Variants in GOLGA7B observed in about 807,000 individuals in gnomAD.
GOLGA7B encodes the protein golgin subfamily A member 7B.
In GOLGA7B, 17 loss-of-function variants were observed where a neutral mutation model predicts 21.5. The ratio of observed to expected loss-of-function variants is 0.79; its 90% CI spans 0.54 to 1.19. The LOEUF is 1.19. GOLGA7B is among the 50% of genes most tolerant of loss of function. GOLGA7B has a pLI of 0.00. For synonymous variants in GOLGA7B, 87 were observed against 84.0 expected, an observed-to-expected ratio of 1.04 and a Z score of -0.19; for missense variants, 169 against 224.4, an observed-to-expected ratio of 0.75 and a Z score of 1.58.
In GOLGA7B at chr10:97,850,241, G is replaced by C. The variant is rs1360752279; in HGVS notation, c.-63G>C. The C allele has an allele frequency of 3.0e-6, 4 of 1,312,768 alleles. No homozygotes were observed. Among genetic ancestry groups the C allele is most frequent in the South Asian group, 3.0e-5 (2 of 65,966 alleles). The allele number at this position is 1,312,768 out of a possible 1,614,324, so 81.3% of individuals were successfully genotyped here. ...CACCGCCGCCGCCCACCTGCTCCCGGGGTCAGCACCGCGGAGACCCCCCTC... is the reference window on the plus strand; with the variant it reads ...CACCGCCGCCGCCCACCTGCTCCCGCGGTCAGCACCGCGGAGACCCCCCTC... On this transcript the variant is annotated 5_prime_UTR_variant, in exon 1 of 5. Coordinates refer to ENST00000370602, the MANE Select transcript of GOLGA7B (RefSeq NM_001010917.3).
At position 97,869,127 on chromosome 10, in the gene GOLGA7B, CG is replaced by C. The variant is rs2050062164; in HGVS notation, c.*3428del. 1 of 152,242 alleles carries C rather than the reference CG, an allele frequency of 6.6e-6. No individual in the cohort carries two copies. Among genetic ancestry groups the C allele is most frequent in the Non-Finnish European group, 1.5e-5 (1 of 68,046 alleles). The allele number at this position is 152,242 out of a possible 1,614,324, so 9.4% of individuals were successfully genotyped here. On this transcript the variant is annotated 3_prime_UTR_variant, in exon 5 of 5. Transcript: ENST00000370602. ...CGCTTAACAGCTTGAGGGCCTCAGC[CG>C]TCCTGGGATTAGGATCAGGCAGATT...
At chr10:97,850,451 G>A (rs1303129476) in intron 1 of GOLGA7B, 136 bp downstream of exon 1, 16 of 659,650 alleles carry the variant, frequency 2.4e-5, no homozygotes, top group Non-Finnish European at 3.5e-5. Flanking sequence ...TCTGGAGGGA[G>A]GAGGTAGGGG....
At chr10:97,860,642 C>T (rs763797609) in intron 2 of GOLGA7B, among the ~76,000 whole-genome samples, 1 of 152,204 alleles carries the variant, frequency 6.6e-6, no homozygotes, top group Non-Finnish European at 1.5e-5. Flanking sequence ...TGTGAGCCAC[C>T]ATGCCCAGCC....
In GOLGA7B at chr10:97,871,327, C is replaced by T. The variant is rs1209730866; in HGVS notation, c.*5627C>T. 6.6e-6 allele frequency: 1 copy of T among 152,234 alleles called. No homozygotes were observed. The highest frequency in any genetic ancestry group is 1.5e-5 in the Non-Finnish European group (1 of 68,044). 9.4% of individuals were successfully genotyped at this position (152,234 alleles called of 1,614,324 possible). A position where few individuals can be genotyped will look rare whatever the true frequency, so the allele number is the denominator to read the frequency against. On this transcript the variant is annotated 3_prime_UTR_variant, in exon 5 of 5. Coordinates refer to ENST00000370602, the MANE Select transcript of GOLGA7B (RefSeq NM_001010917.3). Reference sequence around the variant, plus strand: ...GTCAGAGGGCTGTGCCAGCTGCCCCCTTTCCCACCCCCAGCAATTCACTTA... The same window carrying T: ...GTCAGAGGGCTGTGCCAGCTGCCCCTTTTCCCACCCCCAGCAATTCACTTA...
chr10:97,863,015 A>G (rs1238035133), intron 2 of GOLGA7B, among the ~76,000 whole-genome samples: 1 of 152,222 alleles, frequency 6.6e-6, no homozygotes, highest in African/African-American at 2.4e-5. Flanking sequence ...TGGAGGGCCT[A>G]GCGGGCATTG....
At chr10:97,864,341 G>C in intron 4 of GOLGA7B, 72 bp downstream of exon 4, 1 of 1,339,930 alleles carries the variant, frequency 7.5e-7, no homozygotes, top group Non-Finnish European at 1.1e-6. Context: ...GAGGCTGCCA[G>C]GAAACGAGGC....
chr10:97,857,109 G>A (rs2049939679), intron 1 of GOLGA7B, among the ~76,000 whole-genome samples: 1 of 151,898 alleles, frequency 6.6e-6, no homozygotes, highest in Non-Finnish European at 1.5e-5. Context: ...TTTTGTTTTT[G>A]TTCCATTTGC....
chr10:97,860,052 T>G (rs1217183547), intron 2 of GOLGA7B, among the ~76,000 whole-genome samples: 1 of 152,228 alleles, frequency 6.6e-6, no homozygotes, highest in Non-Finnish European at 1.5e-5. Context: ...CCAACTACAT[T>G]AGACTCTCTA....
At chr10:97,853,134 G>T (rs2049914113) in intron 1 of GOLGA7B, among the ~76,000 whole-genome samples, 1 of 152,192 alleles carries the variant, frequency 6.6e-6, no homozygotes, top group South Asian at 2.1e-4. Context: ...AGACAACTGG[G>T]TCAGGCTTGA....
rs1411662727 is a variant in GOLGA7B at position 97,866,747 on chromosome 10, T to C, written c.*1047T>C. On this transcript the variant is annotated 3_prime_UTR_variant, in exon 5 of 5. Transcript: ENST00000370602. ...ATTTATATGAGTGTGAGTGCATGCATGTGCATGAACATGTGTGCACAAGCA... is the reference window on the plus strand; with the variant it reads ...ATTTATATGAGTGTGAGTGCATGCACGTGCATGAACATGTGTGCACAAGCA... 1 of 152,208 alleles carries C rather than the reference T, an allele frequency of 6.6e-6. No individual in the cohort carries two copies. The highest frequency in any genetic ancestry group is 6.5e-5 in the Admixed American group (1 of 15,284). The allele number at this position is 152,208 out of a possible 1,614,324, so 9.4% of individuals were successfully genotyped here.
At chr10:97,864,308 T>G in intron 4 of GOLGA7B, 39 bp downstream of exon 4, 1 of 1,537,304 alleles carries the variant, frequency 6.5e-7, no homozygotes, top group Non-Finnish European at 9.0e-7. Flanking sequence ...GGCACAGGAC[T>G]GCTAACCAGT....
At position 97,849,953 on chromosome 10, in the gene GOLGA7B, C is replaced by T. The variant is rs867546445; in HGVS notation, c.-351C>T. Among the ~76,000 whole-genome samples, 8 of 151,450 alleles carry T rather than the reference C, an allele frequency of 5.3e-5. No individual in the cohort carries two copies. Among genetic ancestry groups the T allele is most frequent in the Admixed American group, 3.9e-4 (6 of 15,216 alleles). ...AGCGGCGGCTCCTGGCCCCTCCTCC[C>T]CCGGCCGCCCCCATCCCCGCCGCCG... On this transcript the variant is annotated 5_prime_UTR_variant, in exon 1 of 5. Transcript: ENST00000370602.
intron 2 of GOLGA7B, 77 bp downstream of exon 2, chr10:97,859,660 A>G: frequency 6.7e-7 from 1 of 1,502,478 alleles, no homozygotes. Context: ...TATTTTATCC[A>G]GGATCCTATG....
chr10:97,863,383 C>T (rs2049983958), intron 2 of GOLGA7B, among the ~76,000 whole-genome samples: 1 of 152,150 alleles, frequency 6.6e-6, no homozygotes, highest in Non-Finnish European at 1.5e-5. Context: ...TGTCCAAACA[C>T]ACAGGGTGGT....
chr10:97,854,059 C>T (rs1402833141), intron 1 of GOLGA7B, among the ~76,000 whole-genome samples: 1 of 152,320 alleles, frequency 6.6e-6, no homozygotes, highest in Non-Finnish European at 1.5e-5. Flanking sequence ...TCTTTTGAGA[C>T]ACCAGAAGTG....
chr10:97,855,151 C>T (rs2049927461), intron 1 of GOLGA7B, among the ~76,000 whole-genome samples: 3 of 152,204 alleles, frequency 2.0e-5, no homozygotes, highest in Admixed American at 6.5e-5. Flanking sequence ...CACACGCCTT[C>T]AGGACAGCAC....
chr10:97,859,423 C>A lies in GOLGA7B; in HGVS notation c.13-35C>A. 5 of 1,607,650 alleles carry A rather than the reference C, an allele frequency of 3.1e-6. No individual in the cohort carries two copies. The South Asian group carries it at 5.5e-5, about 18-fold the overall frequency. The stretch of plus-strand genomic sequence containing the variant: ...TTTGGGATATGCCGAGATGGATGGT[C>A]ACTCTCAGCACATGCCGCCCGCACG... On this transcript the variant is annotated intron_variant, in intron 1 of 4. Transcript: ENST00000370602.
intron 1 of GOLGA7B, among the ~76,000 whole-genome samples, chr10:97,854,852 C>T (rs1010981525): frequency 1.3e-5 from 2 of 152,154 alleles, no homozygotes; most frequent in African/African-American, 4.8e-5. Flanking sequence ...GTATTCCAGG[C>T]GGTGATTCAA....
chr10:97,865,563 G>A lies in GOLGA7B; in HGVS notation c.394-27G>A, dbSNP rs773387702. 26 of 1,609,586 alleles carry A rather than the reference G, an allele frequency of 1.6e-5. No individual in the cohort carries two copies. In the South Asian group the frequency reaches 2.3e-4, roughly 14 times the overall value. On this transcript the variant is annotated intron_variant, in intron 4 of 4. Coordinates refer to ENST00000370602, the MANE Select transcript of GOLGA7B (RefSeq NM_001010917.3). Reference sequence around the variant, plus strand: ...CCACCCCTGCTCAGCAGCTGGGCTCGCAGCTCTCCTTAACCACCGACCCCA... The same window carrying A: ...CCACCCCTGCTCAGCAGCTGGGCTCACAGCTCTCCTTAACCACCGACCCCA...
Sources: gnomAD v4.1 joint callset for allele counts (sites outside exome capture counted in the v4.1 genomes callset) on GRCh38, gnomAD v4.1.1 for gene constraint, MANE v1.5 for transcripts, NCBI Gene and HGNC (gene_info 2026-07-23, HGNC 2026-07-21) for gene names.